Variants in TULP4 observed in about 807,000 individuals in gnomAD.
TULP4 encodes TUB like protein 4, also known as tubby-related protein 4.
In TULP4, 16 loss-of-function variants were observed where a neutral mutation model predicts 129.0. The observed-to-expected ratio is 0.12, with a 90% confidence interval of 0.08 to 0.19. TULP4 has a LOEUF of 0.19. Ranked by LOEUF, TULP4 falls within the 10% of genes least tolerant of loss-of-function variation. The probability of loss-of-function intolerance (pLI) is 1.00; values close to 1 mark genes in which losing one functional copy is unlikely to be tolerated. For missense variants in TULP4, 1,842 were observed against 2,059.1 expected, an observed-to-expected ratio of 0.89 and a Z score of 2.04; for synonymous variants, 998 against 854.0, an observed-to-expected ratio of 1.17 and a Z score of -2.94.
chr6:158,424,015 A>G (rs959466815), intron 2 of TULP4, among the ~76,000 whole-genome samples: 6 of 152,156 alleles, frequency 3.9e-5, no homozygotes, highest in African/African-American at 1.4e-4. Context: ...TTTGAAGTAC[A>G]CATATCTGAT....
intron 1 of TULP4, among the ~76,000 whole-genome samples, chr6:158,349,594 A>G (rs10455817): frequency 0.93 from 113,215 of 122,030 alleles, 52,531 homozygotes; most frequent in Admixed American, 0.95. Context: ...CCTCCCAGAT[A>G]GGGTGGCAGC....
At chr6:158,468,533 C>A (rs891647580) in intron 6 of TULP4, among the ~76,000 whole-genome samples, 1 of 152,126 alleles carries the variant, frequency 6.6e-6, no homozygotes, top group Admixed American at 6.6e-5. Context: ...CACTGGCAAT[C>A]GTAACATAAT....
chr6:158,411,523 A>C (rs1006224539), intron 1 of TULP4, among the ~76,000 whole-genome samples: 1 of 152,184 alleles, frequency 6.6e-6, no homozygotes, highest in African/African-American at 2.4e-5. Context: ...AAAGATTGCA[A>C]CCTCACAGCT....
At chr6:158,422,672 C>T (rs1176667417) in intron 2 of TULP4, among the ~76,000 whole-genome samples, 1 of 152,194 alleles carries the variant, frequency 6.6e-6, no homozygotes, top group Non-Finnish European at 1.5e-5. Context: ...AAGAGGAGGT[C>T]CCCAAGTGCG....
At chr6:158,390,486 C>T (rs574313370) in intron 1 of TULP4, among the ~76,000 whole-genome samples, 1 of 151,840 alleles carries the variant, frequency 6.6e-6, no homozygotes, top group Non-Finnish European at 1.5e-5. Flanking sequence ...TTAGCATCTT[C>T]GAATTAAAAA....
chr6:158,404,734 C>G (rs1450308521), intron 1 of TULP4, among the ~76,000 whole-genome samples: 1 of 144,706 alleles, frequency 6.9e-6, no homozygotes, highest in East Asian at 2.1e-4. Flanking sequence ...CGAGATTGCA[C>G]CACTGCACTC....
At chr6:158,309,663 C>T (rs1779301559), upstream of TULP4, among the ~76,000 whole-genome samples, 1 of 152,076 alleles carries the variant, frequency 6.6e-6, no homozygotes, top group African/African-American at 2.4e-5. Flanking sequence ...CTGAGGCTGG[C>T]GGATCACTCG....
At chr6:158,309,861 C>G (rs1249059754), upstream of TULP4, among the ~76,000 whole-genome samples, 2 of 129,268 alleles carry the variant, frequency 1.5e-5, no homozygotes, top group African/African-American at 5.7e-5. Flanking sequence ...TTCGGCTTGG[C>G]ATCAGAGGGA....
intron 1 of TULP4, among the ~76,000 whole-genome samples, chr6:158,351,020 C>T (rs9457362): frequency 0.17 from 26,355 of 152,122 alleles, 2,709 homozygotes; most frequent in Middle Eastern, 0.26. Flanking sequence ...TCCCAAAGTG[C>T]TAGTATTACA....
chr6:158,253,797 G>T (rs763441257), intron 1 of TULP4, among the ~76,000 whole-genome samples: 1 of 152,192 alleles, frequency 6.6e-6, no homozygotes, highest in Non-Finnish European at 1.5e-5. Flanking sequence ...CACTTTGGGA[G>T]GCCAAGGTGG....
At chr6:158,376,041 G>T (rs1205399209) in intron 1 of TULP4, among the ~76,000 whole-genome samples, 1 of 152,190 alleles carries the variant, frequency 6.6e-6, no homozygotes, top group Admixed American at 6.5e-5. Context: ...AACTGTGGAC[G>T]ATGGGGGAAG....
intron 1 of TULP4, among the ~76,000 whole-genome samples, chr6:158,285,207 G>T (rs1778815342): frequency 1.3e-5 from 2 of 152,032 alleles, no homozygotes; most frequent in South Asian, 4.2e-4. Context: ...GCTTTATGTT[G>T]TCTAGTCTTG....
At chr6:158,352,353 A>G (rs955622633) in intron 1 of TULP4, among the ~76,000 whole-genome samples, 16 of 152,234 alleles carry the variant, frequency 1.1e-4, no homozygotes, top group African/African-American at 3.9e-4. Context: ...TCATTTATTC[A>G]TTAGATGAAA....
chr6:158,476,855 A>T (rs1779831722), intron 6 of TULP4, among the ~76,000 whole-genome samples: 1 of 152,198 alleles, frequency 6.6e-6, no homozygotes, highest in South Asian at 2.1e-4. Flanking sequence ...ATATGTTGGC[A>T]CTTCAGAGAG....
At chr6:158,342,158 C>T (rs987684782) in intron 1 of TULP4, among the ~76,000 whole-genome samples, 7 of 152,198 alleles carry the variant, frequency 4.6e-5, no homozygotes, top group African/African-American at 7.2e-5. Context: ...CCTCATGATC[C>T]GCCCATGTCG....
intron 1 of TULP4, chr6:158,237,923 G>A (rs532523551): frequency 1.4e-6 from 1 of 728,094 alleles, no homozygotes; most frequent in Non-Finnish European, 2.6e-6. Context: ...TGTTTCCATA[G>A]CTGTTCTAGG....
intron 12 of TULP4, among the ~76,000 whole-genome samples, chr6:158,499,631 C>G (rs1315630604): frequency 6.6e-6 from 1 of 152,156 alleles, no homozygotes; most frequent in Non-Finnish European, 1.5e-5. Context: ...CCTCTACTTC[C>G]AACTAAGTGG....
chr6:158,240,322 G>C (rs1420661565), intron 1 of TULP4, among the ~76,000 whole-genome samples: 4 of 84,140 alleles, frequency 4.8e-5, no homozygotes, highest in Non-Finnish European at 5.2e-5. Flanking sequence ...CCTCCCGGAC[G>C]GGGCGGCTGG....
intron 2 of TULP4, among the ~76,000 whole-genome samples, chr6:158,422,106 AAAGT>A (rs1337570550): frequency 3.9e-5 from 6 of 152,352 alleles, no homozygotes; most frequent in South Asian, 4.1e-4. Flanking sequence ...AATGAAAGAA[AAAGT>A]AAGAAATAAT....
Sources: allele counts gnomAD v4.1 joint callset (sites outside exome capture counted in the v4.1 genomes callset), GRCh38; gene constraint gnomAD v4.1.1; transcripts MANE v1.5; gene names NCBI Gene and HGNC (gene_info 2026-07-23, HGNC 2026-07-21).